Variants in RNF135 observed in about 807,000 individuals in gnomAD.
RNF135 encodes the protein ring finger protein 135.
In RNF135, 46 loss-of-function variants were observed where a neutral mutation model predicts 41.9. The ratio of observed to expected loss-of-function variants is 1.10; its 90% CI spans 0.87 to 1.40. The LOEUF is 1.40. RNF135 is among the 40% of genes most tolerant of loss of function. The pLI, the probability that RNF135 is intolerant of heterozygous loss-of-function variation, is 0.00. For missense variants in RNF135, 539 were observed against 549.8 expected, an observed-to-expected ratio of 0.98 and a Z score of 0.20; for synonymous variants, 238 against 223.8, an observed-to-expected ratio of 1.06 and a Z score of -0.57.
At chr17:30,979,950 T>C (rs1254093310) in intron 1 of RNF135, among the ~76,000 whole-genome samples, 1 of 77,616 alleles carries the variant, frequency 1.3e-5, no homozygotes, top group African/African-American at 5.5e-5. Flanking sequence ...GAGGCGCCCC[T>C]CACCTCCCGG....
chr17:30,984,193 T>G (rs1239282768), intron 1 of RNF135, among the ~76,000 whole-genome samples: 2 of 152,216 alleles, frequency 1.3e-5, no homozygotes, highest in African/African-American at 4.8e-5. Flanking sequence ...TTGTTGCCTG[T>G]GCTTTTAGTG....
intron 1 of RNF135, among the ~76,000 whole-genome samples, chr17:30,974,667 TTTATTA>T (rs202241847): frequency 4.0e-5 from 6 of 150,716 alleles, no homozygotes; most frequent in South Asian, 2.1e-4. Flanking sequence ...GTTATTCCTT[TTTATTA>T]TTATTATTAT....
chr17:30,975,098 G>A (rs1294474270), intron 1 of RNF135, among the ~76,000 whole-genome samples: 1 of 151,514 alleles, frequency 6.6e-6, no homozygotes, highest in African/African-American at 2.4e-5. Flanking sequence ...AGACCAGCCT[G>A]GGCAGCATGG....
the RNF135 span, among the ~76,000 whole-genome samples, chr17:30,960,739 ATTTTAT>A: frequency 7.5e-6 from 1 of 133,524 alleles, no homozygotes; most frequent in African/African-American, 3.8e-5. Flanking sequence ...TATTTATTTT[ATTTTAT>A]TTTTTTTTTT....
intron 3 of RNF135, 74 bp downstream of exon 3, chr17:30,988,180 T>C (rs1303844396): frequency 1.4e-6 from 2 of 1,419,220 alleles, no homozygotes; most frequent in African/African-American, 2.9e-5. Flanking sequence ...TCTATGGCTT[T>C]GTTCTCTGGG....
intron 1 of RNF135, among the ~76,000 whole-genome samples, chr17:30,982,196 G>C (rs113808973): frequency 4.6e-5 from 7 of 152,336 alleles, no homozygotes; most frequent in African/African-American, 1.7e-4. Flanking sequence ...TTGCCTAGGA[G>C]TTGCAGTCCT....
chr17:30,983,353 A>ATATTTTT (rs1420453160), intron 1 of RNF135, among the ~76,000 whole-genome samples: 2 of 35,734 alleles, frequency 5.6e-5, no homozygotes, highest in Non-Finnish European at 1.1e-4. Context: ...ATATATATAT[A>ATATTTTT]TTTTTTTTTT....
chr17:30,968,432 C>T (rs1448120541), upstream of RNF135, among the ~76,000 whole-genome samples: 1 of 149,444 alleles, frequency 6.7e-6, no homozygotes, highest in Non-Finnish European at 1.5e-5. Flanking sequence ...GTCGCCCAGG[C>T]TGGAGTGCAG....
At chr17:30,980,250 G>A in intron 1 of RNF135, 1 of 134,922 alleles carries the variant, frequency 7.4e-6, no homozygotes, top group Admixed American at 7.0e-5. Context: ...CGGCTGGCCG[G>A]GCAGAGGGGT....
At chr17:30,975,805 T>C in intron 1 of RNF135, 1 of 1,022,332 alleles carries the variant, frequency 9.8e-7, no homozygotes, top group South Asian at 1.3e-5. Context: ...TCAAGGTCCC[T>C]GCAGATGACT....
the RNF135 span, among the ~76,000 whole-genome samples, chr17:30,960,307 G>A: frequency 2.0e-5 from 3 of 151,658 alleles, no homozygotes; most frequent in Non-Finnish European, 2.9e-5. Flanking sequence ...CAGGAGAATC[G>A]CTTGAACCCG....
chr17:30,962,369 T>C, the RNF135 span, among the ~76,000 whole-genome samples: 3 of 152,142 alleles, frequency 2.0e-5, no homozygotes, highest in Admixed American at 1.3e-4. Flanking sequence ...CTTGACCTCA[T>C]GATCCACCCA....
intron 1 of RNF135, among the ~76,000 whole-genome samples, chr17:30,983,353 A>ATATATATATATATATATATT (rs1420453160): frequency 2.8e-5 from 1 of 35,730 alleles, no homozygotes; most frequent in African/African-American, 9.1e-5. Flanking sequence ...ATATATATAT[A>ATATATATATATATATATATT]TTTTTTTTTT....
At chr17:30,981,540 T>C (rs1173745586) in intron 1 of RNF135, among the ~76,000 whole-genome samples, 3 of 152,282 alleles carry the variant, frequency 2.0e-5, no homozygotes, top group Non-Finnish European at 4.4e-5. Flanking sequence ...CTGTTTCTCC[T>C]GAATTGGCTC....
chr17:30,996,380 G>T (rs1357179588), intron 3 of RNF135, among the ~76,000 whole-genome samples: 1 of 152,110 alleles, frequency 6.6e-6, no homozygotes, highest in African/African-American at 2.4e-5. Flanking sequence ...GAACCACTGC[G>T]CCCAGGCAGT....
At chr17:30,969,768 T>C (rs868531907), upstream of RNF135, among the ~76,000 whole-genome samples, 469 of 141,694 alleles carry the variant, frequency 3.3e-3, 1 homozygote, top group Non-Finnish European at 4.0e-3. Context: ...TCTTTTTTTT[T>C]TTTTTTTTTT....
rs527896843 is a variant in RNF135 at position 30,986,932 on chromosome 17, G to A, written c.517-1012G>A. Among the ~76,000 whole-genome samples, 11 of 152,292 alleles carry A rather than the reference G, an allele frequency of 7.2e-5. No individual in the cohort carries two copies. The South Asian group carries it at 1.2e-3, about 17-fold the overall frequency. On this transcript the variant is annotated intron_variant, in intron 2 of 4. Coordinates refer to ENST00000328381, the MANE Select transcript of RNF135 (RefSeq NM_032322.4). ...CAGGTTGATAAACCTACTTTGTGAG[G>A]TTGTTATGCAAATGAGAGAAAGGCA...
upstream of RNF135, chr17:30,970,906 T>A (rs781391073): frequency 3.1e-5 from 30 of 961,448 alleles, no homozygotes; most frequent in Non-Finnish European, 4.6e-5. Context: ...AGGCTCTAAG[T>A]CTGTTTTCAG....
upstream of RNF135, among the ~76,000 whole-genome samples, chr17:30,966,419 T>A (rs912223557): frequency 9.2e-6 from 1 of 108,710 alleles, no homozygotes; most frequent in Non-Finnish European, 1.5e-5. Flanking sequence ...ATTTTATTTT[T>A]TTATTTATTT....
Sources: gnomAD v4.1 joint callset for allele counts (sites outside exome capture counted in the v4.1 genomes callset) on GRCh38, gnomAD v4.1.1 for gene constraint, MANE v1.5 for transcripts, NCBI Gene and HGNC (gene_info 2026-07-23, HGNC 2026-07-21) for gene names.